Variants in WWP2 observed in about 807,000 individuals in gnomAD.
WWP2 encodes WW domain containing E3 ubiquitin protein ligase 2, also known as NEDD4-like E3 ubiquitin-protein ligase WWP2.
Under a neutral mutation model 121.0 loss-of-function variants are expected in WWP2, and 57 were observed. The observed-to-expected ratio is 0.47, with a 90% CI of 0.38 to 0.59. WWP2 has a LOEUF of 0.59. WWP2 is among the 20% of genes least tolerant of loss of function. The pLI is 0.00. For synonymous variants in WWP2, 449 were observed against 441.3 expected, an observed-to-expected ratio of 1.02 and a Z score of -0.22; for missense variants, 962 against 1,158.9, an observed-to-expected ratio of 0.83 and a Z score of 2.47.
At chr16:69,771,285 G>A (rs1179121056) in intron 1 of WWP2, among the ~76,000 whole-genome samples, 2 of 152,170 alleles carry the variant, frequency 1.3e-5, no homozygotes, top group East Asian at 3.8e-4. Context: ...ATCTTGCTGT[G>A]TCTCCCAGGC....
rs1301976160 is a variant in WWP2 at position 69,776,632 on chromosome 16, C to T, written c.-15-10364C>T. Among the ~76,000 whole-genome samples the T allele has an allele frequency of 4.6e-5, 7 of 152,070 alleles. No individual in the cohort carries two copies. The East Asian group carries it at 1.4e-3, about 29-fold the overall frequency. ...ATCACCTGAGGTCAGGTGTTCGAGA[C>T]CAGCCTTAACATGGAGAAACCCCGT... On this transcript the variant is annotated intron_variant, in intron 1 of 23. Transcript: ENST00000359154.
intron 6 of WWP2, among the ~76,000 whole-genome samples, chr16:69,866,963 G>A (rs997001753): frequency 6.6e-6 from 1 of 151,968 alleles, no homozygotes; most frequent in South Asian, 2.1e-4. Flanking sequence ...TCAGGCTCCT[G>A]AGTAGCTGGG....
Position 69,939,838 on chromosome 16 carries a change from T to C in WWP2, c.2514-3T>C, listed in dbSNP as rs1457298567. 4 of 1,612,876 alleles carry C rather than the reference T, an allele frequency of 2.5e-6. No homozygotes were observed. The highest frequency in any genetic ancestry group is 1.7e-5 in the Admixed American group (1 of 59,796). On this transcript the variant is annotated splice_polypyrimidine_tract_variant and splice_region_variant and intron_variant, in intron 23 of 23. Coordinates refer to ENST00000359154, the MANE Select transcript of WWP2 (RefSeq NM_001270454.2). Reference sequence around the variant, plus strand: ...GACTGTCGTGCTTCCCCACTCTCAATAGCTTCAACCGTCTGGATCTTCCAC... The same window carrying C: ...GACTGTCGTGCTTCCCCACTCTCAACAGCTTCAACCGTCTGGATCTTCCAC...
chr16:69,853,325 T>C (rs2057252473), intron 6 of WWP2, among the ~76,000 whole-genome samples: 1 of 152,164 alleles, frequency 6.6e-6, no homozygotes, highest in Non-Finnish European at 1.5e-5. Context: ...GCAGCTCCAG[T>C]TCACATGCCA....
At chr16:69,812,380 GTCTTGACC>G (rs1357825840) in intron 4 of WWP2, among the ~76,000 whole-genome samples, 1 of 151,100 alleles carries the variant, frequency 6.6e-6, no homozygotes, top group Non-Finnish European at 1.5e-5. Flanking sequence ...GGCCAGGCTG[GTCTTGACC>G]TCTTGACCTC....
intron 6 of WWP2, among the ~76,000 whole-genome samples, chr16:69,863,249 G>A (rs1233660501): frequency 1.3e-5 from 2 of 151,914 alleles, no homozygotes; most frequent in Non-Finnish European, 2.9e-5. Flanking sequence ...AAATTATTAA[G>A]TTACTATAAT....
At chr16:69,921,092 G>T (rs1567433312) in intron 10 of WWP2, among the ~76,000 whole-genome samples, 4 of 152,170 alleles carry the variant, frequency 2.6e-5, no homozygotes, top group Non-Finnish European at 5.9e-5. Flanking sequence ...CTGGGGATGT[G>T]GGAGGGTTCT....
intron 6 of WWP2, among the ~76,000 whole-genome samples, chr16:69,862,708 C>CTTT (rs546868069): frequency 2.0e-4 from 15 of 76,502 alleles, no homozygotes; most frequent in Non-Finnish European, 2.5e-4. Flanking sequence ...GCCATGAATT[C>CTTT]TTTTTTTTTT....
chr16:69,851,205 A>G lies in WWP2; in HGVS notation c.575+9085A>G, dbSNP rs188660843. On this transcript the variant is annotated intron_variant, in intron 6 of 23. Transcript: ENST00000359154. ...TTTTTTTTTTGTATTTTTAGTAGAGATGAGGTTTCCCCATGTTGGCCAGGC... is the reference window on the plus strand; with the variant it reads ...TTTTTTTTTTGTATTTTTAGTAGAGGTGAGGTTTCCCCATGTTGGCCAGGC... Among the ~76,000 whole-genome samples the G allele has an allele frequency of 7.6e-4, 115 of 150,812 alleles. 1 individual carries two copies. In the East Asian group the frequency reaches 0.018, roughly 24 times the overall value.
intron 6 of WWP2, among the ~76,000 whole-genome samples, chr16:69,868,159 AGG>A (rs1436337576): frequency 2.0e-5 from 3 of 151,938 alleles, no homozygotes; most frequent in Non-Finnish European, 4.4e-5. Context: ...ATCTGGGGAG[AGG>A]GGATGTGGTG....
intron 1 of WWP2, among the ~76,000 whole-genome samples, chr16:69,773,481 C>A (rs1332611015): frequency 6.6e-6 from 1 of 151,580 alleles, no homozygotes; most frequent in Non-Finnish European, 1.5e-5. Flanking sequence ...GCCCAGCCAC[C>A]TTTTCTTTTT....
At chr16:69,886,845 C>G (rs1011842522) in intron 7 of WWP2, among the ~76,000 whole-genome samples, 4 of 152,172 alleles carry the variant, frequency 2.6e-5, no homozygotes, top group Non-Finnish European at 5.9e-5. Flanking sequence ...CTGTAAGAAA[C>G]GTTCACGAAG....
intron 2 of WWP2, among the ~76,000 whole-genome samples, chr16:69,788,362 C>T (rs2151796918): frequency 6.6e-6 from 1 of 152,274 alleles, no homozygotes; most frequent in Middle Eastern, 3.4e-3. Flanking sequence ...CACTCCTCTG[C>T]TCAAACCATT....
intron 1 of WWP2, among the ~76,000 whole-genome samples, chr16:69,772,801 C>A (rs755536335): frequency 1.3e-5 from 2 of 152,110 alleles, no homozygotes; most frequent in South Asian, 4.2e-4. Context: ...TCCCTCCTGC[C>A]TCACCACCAG....
Position 69,807,712 on chromosome 16 carries a change from G to A in WWP2, c.340+8417G>A, listed in dbSNP as rs921891031. On this transcript the variant is annotated intron_variant, in intron 4 of 23. Coordinates refer to ENST00000359154, the MANE Select transcript of WWP2 (RefSeq NM_001270454.2). The stretch of plus-strand genomic sequence containing the variant: ...TTATGTCTGTAATCCTAGCACTTTG[G>A]GAGGCTGAGGTGGTAGGATTGCTTG... 4.0e-5 allele frequency among the ~76,000 whole-genome samples: 6 copies of A among 151,732 alleles called. No individual in the cohort carries two copies. In the Admixed American group the frequency reaches 4.0e-4, roughly 10 times the overall value.
rs554278499 is a variant in WWP2, at chr16:69,940,405, C to T, written c.*465C>T. On this transcript the variant is annotated 3_prime_UTR_variant, in exon 24 of 24. Transcript: ENST00000359154. ...AAAGGAGGTTCTGCCTGTAATTGAG[C>T]CTCTCTGATGATGGAGATGAAGTGA... 1.9e-5 allele frequency: 3 copies of T among 159,596 alleles called. No homozygotes were observed. The highest frequency in any genetic ancestry group is 7.2e-5 in the African/African-American group (3 of 41,756). The allele number at this position is 159,596 out of a possible 1,614,324, so 9.9% of individuals were successfully genotyped here. A position where few individuals can be genotyped will look rare whatever the true frequency, so the allele number is the denominator to read the frequency against.
chr16:69,786,442 C>CTTTTT (rs957224996), intron 1 of WWP2, among the ~76,000 whole-genome samples: 3 of 85,404 alleles, frequency 3.5e-5, no homozygotes, highest in African/African-American at 6.0e-5. Context: ...CCCAGCCAAT[C>CTTTTT]TTTTTTTTTT....
chr16:69,893,945 T>C (rs764713641), intron 8 of WWP2, among the ~76,000 whole-genome samples: 20 of 152,180 alleles, frequency 1.3e-4, no homozygotes, highest in Admixed American at 2.6e-4. Context: ...CTAAGCTTGA[T>C]TGCTTTCTGG....
intron 1 of WWP2, among the ~76,000 whole-genome samples, chr16:69,778,087 A>ATATATG (rs2055574969): frequency 6.8e-6 from 1 of 146,856 alleles, no homozygotes; most frequent in Non-Finnish European, 1.5e-5. Flanking sequence ...ATATATATAT[A>ATATATG]TATACACACA....
Sources: gnomAD v4.1 joint callset for allele counts (sites outside exome capture counted in the v4.1 genomes callset) on GRCh38, gnomAD v4.1.1 for gene constraint, MANE v1.5 for transcripts, NCBI Gene and HGNC (gene_info 2026-07-23, HGNC 2026-07-21) for gene names.